RAD51B: variants seen among roughly 807,000 people sequenced by gnomAD.
The protein encoded by RAD51B is RAD51 paralog B, also known as DNA repair protein RAD51 homolog 2.
A neutral mutation model predicts 42.2 loss-of-function variants in RAD51B; 38 were observed. That is an observed-to-expected ratio of 0.90 (90% confidence interval 0.70 to 1.18). The LOEUF (loss-of-function observed/expected upper bound fraction) is 1.18. Ranked by LOEUF, RAD51B falls within the 50% of genes most tolerant of loss-of-function variation. RAD51B has a pLI of 0.00. For missense variants in RAD51B, 373 were observed against 400.7 expected (o/e 0.93, Z 0.59); for synonymous variants, 154 against 145.2 (o/e 1.06, Z -0.43).
intron 7 of RAD51B, among the ~76,000 whole-genome samples, chr14:68,167,411 C>T (rs1428353481): frequency 6.6e-6 from 1 of 152,172 alleles, no homozygotes; most frequent in African/African-American, 2.4e-5. Flanking sequence ...TACATAGTTC[C>T]TATAAAACCT....
intron 8 of RAD51B, among the ~76,000 whole-genome samples, chr14:68,334,972 TA>T (rs1555394307): frequency 3.4e-5 from 5 of 146,056 alleles, no homozygotes; most frequent in Non-Finnish European, 7.5e-5. Flanking sequence ...TATATATATA[TA>T]AAAAAACAAA....
At chr14:68,177,959 C>T (rs1035644710) in intron 7 of RAD51B, among the ~76,000 whole-genome samples, 1 of 152,156 alleles carries the variant, frequency 6.6e-6, no homozygotes, top group Admixed American at 6.6e-5. Context: ...GGTGGCAGCT[C>T]ATCCAAGTAG....
At chr14:68,057,202 T>C (rs1381955654) in intron 7 of RAD51B, among the ~76,000 whole-genome samples, 1 of 152,046 alleles carries the variant, frequency 6.6e-6, no homozygotes, top group East Asian at 1.9e-4. Flanking sequence ...TCCTATTTTA[T>C]GGCAAACGAG....
chr14:67,996,490 G>T (rs1390013690), intron 7 of RAD51B, among the ~76,000 whole-genome samples: 1 of 152,048 alleles, frequency 6.6e-6, no homozygotes, highest in East Asian at 1.9e-4. Flanking sequence ...AGCAAAACCT[G>T]AAGGAAGTAA....
rs946705163 is a variant in RAD51B, at chr14:68,565,209, A to G, written c.1037-29276A>G. Among the ~76,000 whole-genome samples the G allele has an allele frequency of 1.3e-5, 2 of 152,224 alleles. No individual in the cohort carries two copies. Among genetic ancestry groups the G allele is most frequent in the African/African-American group, 4.8e-5 (2 of 41,454 alleles). ...TCCTTGATGTGGATCCAAGGGAAGC[A>G]GTGCCTTTGAAGTCAGCAGCAACCG... On this transcript the variant is annotated intron_variant, in intron 10 of 10. Coordinates refer to the RAD51B transcript ENST00000487270. This position sits in a 1 kb window ranked among gnomAD's most constrained non-coding sequence, Gnocchi z 4.1.
intron 10 of RAD51B, 99 bp from the exon 11 acceptor site, chr14:68,477,549 G>T: frequency 7.2e-7 from 1 of 1,388,568 alleles, no homozygotes; most frequent in Non-Finnish European, 9.8e-7. Flanking sequence ...GAGGACTGCT[G>T]TTGGAGGAAA....
At chr14:68,490,514 C>A (rs555171540) in intron 10 of RAD51B, among the ~76,000 whole-genome samples, 1 of 152,208 alleles carries the variant, frequency 6.6e-6, no homozygotes. Context: ...TGAAAAGATT[C>A]TCTAAGACAT....
chr14:68,445,372 AAAC>A (rs1232817648), intron 9 of RAD51B, among the ~76,000 whole-genome samples: 7 of 152,240 alleles, frequency 4.6e-5, no homozygotes, highest in Admixed American at 1.3e-4. Flanking sequence ...TAGTATTTAA[AAAC>A]AACAACGACA....
chr14:68,362,778 G>T (rs2083056566), intron 8 of RAD51B, among the ~76,000 whole-genome samples: 1 of 152,026 alleles, frequency 6.6e-6, no homozygotes, highest in Non-Finnish European at 1.5e-5. Context: ...GAACCCAGGA[G>T]GCAGAGGTTG....
At chr14:68,406,840 T>A (rs1345612367) in intron 8 of RAD51B, among the ~76,000 whole-genome samples, 2 of 151,964 alleles carry the variant, frequency 1.3e-5, no homozygotes, top group Non-Finnish European at 2.9e-5. Context: ...GTTTTTTAGA[T>A]TTTTTTACCT....
intron 11 of RAD51B, among the ~76,000 whole-genome samples, chr14:68,660,614 C>A (rs1892913136): frequency 6.6e-6 from 1 of 152,212 alleles, no homozygotes; most frequent in African/African-American, 2.4e-5. Flanking sequence ...GACACTGCTC[C>A]TGCCCTCAGG....
chr14:68,677,520 A>G (rs1416894133), intron 11 of RAD51B, among the ~76,000 whole-genome samples: 1 of 152,206 alleles, frequency 6.6e-6, no homozygotes, highest in Non-Finnish European at 1.5e-5. Context: ...GTAAAATTAC[A>G]TCACCTCACC....
chr14:68,104,121 T>C (rs1246363885), intron 7 of RAD51B, among the ~76,000 whole-genome samples: 1 of 152,180 alleles, frequency 6.6e-6, no homozygotes, highest in Non-Finnish European at 1.5e-5. Flanking sequence ...TGAGAGAGTA[T>C]ATGCAAGAGA....
chr14:68,627,772 A>G (rs748024181), intron 10 of RAD51B, among the ~76,000 whole-genome samples: 8 of 152,160 alleles, frequency 5.3e-5, no homozygotes, highest in Non-Finnish European at 1.2e-4. Context: ...TCCTTCCCCA[A>G]CAACACAATG....
chr14:67,837,335 A>T (rs987103320), intron 4 of RAD51B, among the ~76,000 whole-genome samples: 41 of 151,694 alleles, frequency 2.7e-4, no homozygotes, highest in African/African-American at 9.8e-4. Flanking sequence ...TAGCAAAAAC[A>T]TTGAACTTAA....
intron 9 of RAD51B, among the ~76,000 whole-genome samples, chr14:68,446,073 C>T (rs751208531): frequency 2.6e-5 from 4 of 152,154 alleles, no homozygotes; most frequent in South Asian, 2.1e-4. Context: ...CTATAATAGC[C>T]GCTCCAGGGA....
At chr14:68,243,558 T>C (rs1277616130) in intron 7 of RAD51B, among the ~76,000 whole-genome samples, 2 of 152,236 alleles carry the variant, frequency 1.3e-5, no homozygotes, top group African/African-American at 4.8e-5. Context: ...CTTTGTTCAC[T>C]TATTTATAGC....
intron 10 of RAD51B, among the ~76,000 whole-genome samples, chr14:68,509,386 G>A (rs61985770): frequency 2.4e-4 from 36 of 152,220 alleles, no homozygotes; most frequent in Non-Finnish European, 4.1e-4. Flanking sequence ...TAGCTGTGCT[G>A]TTCCCTGAGT....
chr14:68,586,116 G>A (rs930791239), intron 10 of RAD51B, among the ~76,000 whole-genome samples: 3 of 152,228 alleles, frequency 2.0e-5, no homozygotes, highest in Admixed American at 6.5e-5. Flanking sequence ...CATTAAAGGC[G>A]GGTGAAAAAC....
Sources: gnomAD v4.1 joint callset for allele counts (sites outside exome capture counted in the v4.1 genomes callset) on GRCh38, gnomAD v4.1.1 for gene constraint, Gnocchi (gnomAD v3.1) non-coding constraint, MANE v1.5 for transcripts, NCBI Gene and HGNC (gene_info 2026-07-23, HGNC 2026-07-21) for gene names.